ZNF704: variants seen among roughly 807,000 people sequenced by gnomAD.
The protein encoded by ZNF704 is glucocorticoid induced gene 1.
A neutral mutation model predicts 44.7 loss-of-function variants in ZNF704; 10 were observed. The observed-to-expected ratio is 0.22, with a 90% confidence interval of 0.14 to 0.38. ZNF704 has a LOEUF of 0.38. Among genes scored for constraint, ZNF704 ranks in the 10% least tolerant of loss-of-function variants. The pLI, the probability that ZNF704 is intolerant of heterozygous loss-of-function variation, is 1.00. For synonymous variants in ZNF704, 211 were observed against 207.6 expected (o/e 1.02, Z -0.14); for missense variants, 390 against 545.5 (o/e 0.71, Z 2.84).
chr8:80,678,093 T>C (rs370639123), intron 4 of ZNF704, among the ~76,000 whole-genome samples: 28 of 152,300 alleles, frequency 1.8e-4, no homozygotes, highest in East Asian at 1.7e-3. Flanking sequence ...AAAGTCTGAG[T>C]TCACCACCAG....
At chr8:80,751,157 A>G (rs773809998) in intron 2 of ZNF704, among the ~76,000 whole-genome samples, 1 of 152,170 alleles carries the variant, frequency 6.6e-6, no homozygotes, top group Non-Finnish European at 1.5e-5. Context: ...GGCAAGGTGG[A>G]AGAAGTCAAC....
At chr8:80,698,781 T>TG (rs1563523014) in intron 2 of ZNF704, among the ~76,000 whole-genome samples, 1 of 152,170 alleles carries the variant, frequency 6.6e-6, no homozygotes, top group African/African-American at 2.4e-5. Flanking sequence ...GTCTCATGCA[T>TG]GGGTGGGTGT....
At chr8:80,819,280 GA>G (rs1370280423) in intron 2 of ZNF704, among the ~76,000 whole-genome samples, 2 of 152,092 alleles carry the variant, frequency 1.3e-5, no homozygotes, top group Non-Finnish European at 2.9e-5. Context: ...ATAAAAGGTG[GA>G]AAATATCCTA....
chr8:80,701,513 G>A (rs756902850), intron 2 of ZNF704, among the ~76,000 whole-genome samples: 1 of 152,116 alleles, frequency 6.6e-6, no homozygotes, highest in Non-Finnish European at 1.5e-5. Context: ...GCCTCCACCT[G>A]TGCTGTCTTT....
Position 80,715,846 on chromosome 8 carries a change from G to C in ZNF704, c.222-22739C>G, listed in dbSNP as rs1346188746. 2.0e-5 allele frequency among the ~76,000 whole-genome samples: 3 copies of C among 152,212 alleles called. No homozygotes were observed. In the South Asian group the frequency reaches 6.2e-4, roughly 32 times the overall value. Reference sequence around the variant, plus strand: ...TGCAATCCTAGCACTTTGGAAGGCCGAGGCAGGTGGATCACCTGAGGTCAG... The same window carrying C: ...TGCAATCCTAGCACTTTGGAAGGCCCAGGCAGGTGGATCACCTGAGGTCAG... On this transcript the variant is annotated intron_variant, in intron 2 of 8. Coordinates refer to ENST00000327835, the MANE Select transcript of ZNF704 (RefSeq NM_001033723.3).
intron 1 of ZNF704, among the ~76,000 whole-genome samples, chr8:80,854,659 GAAC>G (rs1456769512): frequency 6.6e-6 from 1 of 151,968 alleles, no homozygotes; most frequent in African/African-American, 2.4e-5. Flanking sequence ...CCTTTGCTTA[GAAC>G]AACAGAAACA....
At chr8:80,808,299 A>C (rs1045452525) in intron 2 of ZNF704, among the ~76,000 whole-genome samples, 5 of 152,204 alleles carry the variant, frequency 3.3e-5, no homozygotes, top group Admixed American at 6.5e-5. Context: ...TCAGTTGTAG[A>C]TCTTACTATA....
chr8:80,725,709 T>C (rs1248506669), intron 2 of ZNF704, among the ~76,000 whole-genome samples: 2 of 152,166 alleles, frequency 1.3e-5, no homozygotes, highest in African/African-American at 4.8e-5. Context: ...AAATAGACTG[T>C]ACATATAAGT....
intron 2 of ZNF704, among the ~76,000 whole-genome samples, chr8:80,719,216 T>A (rs1329137220): frequency 6.6e-6 from 1 of 152,104 alleles, no homozygotes; most frequent in Non-Finnish European, 1.5e-5. Flanking sequence ...GCTTAAATGA[T>A]CCTCCCAAAA....
At chr8:80,836,827 C>T (rs1239585737) in intron 1 of ZNF704, among the ~76,000 whole-genome samples, 6 of 152,136 alleles carry the variant, frequency 3.9e-5, no homozygotes, top group Admixed American at 3.9e-4. Context: ...TATCTTTCTA[C>T]AGCACTATAG....
chr8:80,705,328 T>C lies in ZNF704; in HGVS notation c.222-12221A>G, dbSNP rs539384469. Reference sequence around the variant, plus strand: ...ATATCTGCGTCTATGTCTGTGTGGGTTGGTGTCCTGGGTGTGTGTTTCTGC... The same window carrying C: ...ATATCTGCGTCTATGTCTGTGTGGGCTGGTGTCCTGGGTGTGTGTTTCTGC... On this transcript the variant is annotated intron_variant, in intron 2 of 8. Transcript: ENST00000327835. Among the ~76,000 whole-genome samples the C allele has an allele frequency of 1.3e-4, 20 of 152,178 alleles. No homozygotes were observed. In the South Asian group the frequency reaches 3.3e-3, roughly 25 times the overall value.
chr8:80,792,397 A>T (rs1807724324), intron 2 of ZNF704, among the ~76,000 whole-genome samples: 1 of 152,182 alleles, frequency 6.6e-6, no homozygotes, highest in African/African-American at 2.4e-5. Context: ...GCTTGGCTAC[A>T]GGATGGTTAA....
At chr8:80,850,442 C>T (rs961067515) in intron 1 of ZNF704, among the ~76,000 whole-genome samples, 10 of 152,096 alleles carry the variant, frequency 6.6e-5, no homozygotes, top group Non-Finnish European at 1.5e-4. Flanking sequence ...TCTGATATGA[C>T]GGCATGACAC....
chr8:80,685,433 T>C (rs1383917163), intron 4 of ZNF704, among the ~76,000 whole-genome samples: 1 of 152,176 alleles, frequency 6.6e-6, no homozygotes, highest in Non-Finnish European at 1.5e-5. Context: ...GCCATGCCTA[T>C]TGAGTGTTCG....
intron 2 of ZNF704, among the ~76,000 whole-genome samples, chr8:80,750,083 G>A (rs1224843838): frequency 2.0e-5 from 3 of 152,132 alleles, no homozygotes; most frequent in Non-Finnish European, 4.4e-5. Context: ...CCTCCTGGAT[G>A]GGCAAGTGGT....
At chr8:80,876,955 T>C (rs927474311), upstream of ZNF704, among the ~76,000 whole-genome samples, 6 of 152,110 alleles carry the variant, frequency 3.9e-5, no homozygotes, top group Non-Finnish European at 8.8e-5. Flanking sequence ...AAAATTGCTA[T>C]AGATGAAAGA....
intron 1 of ZNF704, among the ~76,000 whole-genome samples, chr8:80,845,036 T>C (rs1808746365): frequency 6.6e-6 from 1 of 152,156 alleles, no homozygotes; most frequent in African/African-American, 2.4e-5. Flanking sequence ...GTGCTTACCA[T>C]GAAGTGATCT....
intron 1 of ZNF704, among the ~76,000 whole-genome samples, chr8:80,849,255 T>G (rs1808818536): frequency 6.6e-6 from 1 of 152,214 alleles, no homozygotes; most frequent in Non-Finnish European, 1.5e-5. Context: ...GAAAGGGACC[T>G]CTTATCCAGA....
intron 2 of ZNF704, among the ~76,000 whole-genome samples, chr8:80,763,437 T>G (rs946774691): frequency 5.9e-5 from 9 of 152,342 alleles, no homozygotes; most frequent in African/African-American, 1.9e-4. Flanking sequence ...TGCCAAGGCT[T>G]GGGGCTTGCA....
Sources: allele counts gnomAD v4.1 joint callset (sites outside exome capture counted in the v4.1 genomes callset), GRCh38; gene constraint gnomAD v4.1.1; transcripts MANE v1.5; gene names NCBI Gene and HGNC (gene_info 2026-07-23, HGNC 2026-07-21).